GNAI1: variants seen among roughly 807,000 people sequenced by gnomAD.
GNAI1 encodes the protein guanine nucleotide-binding protein G(i) subunit alpha-1.
In GNAI1, 11 loss-of-function variants were observed where a neutral mutation model predicts 38.9. The ratio of observed to expected loss-of-function variants is 0.28; its 90% CI spans 0.18 to 0.47. The LOEUF (loss-of-function observed/expected upper bound fraction) is 0.47, where lower values mean the gene tolerates loss of function less well. Ranked by LOEUF, GNAI1 falls within the 20% of genes least tolerant of loss-of-function variation. The pLI, the probability that GNAI1 is intolerant of heterozygous loss-of-function variation, is 0.99. For missense variants in GNAI1, 317 were observed against 436.9 expected (o/e 0.73, Z 2.45); for synonymous variants, 166 against 145.1 (o/e 1.14, Z -1.04).
At chr7:80,178,841 T>G (rs1169251705) in intron 1 of GNAI1, among the ~76,000 whole-genome samples, 1 of 152,152 alleles carries the variant, frequency 6.6e-6, no homozygotes, top group African/African-American at 2.4e-5. Context: ...AGAAATCGTT[T>G]CAGATTCTAC....
chr7:80,158,889 T>G (rs1273823389), intron 1 of GNAI1, among the ~76,000 whole-genome samples: 2 of 152,322 alleles, frequency 1.3e-5, no homozygotes, highest in African/African-American at 4.8e-5. Flanking sequence ...GGCTCCTGGA[T>G]TCTACAGGAA....
chr7:80,177,782 T>C (rs539322473), intron 1 of GNAI1, among the ~76,000 whole-genome samples: 7 of 152,326 alleles, frequency 4.6e-5, no homozygotes, highest in Admixed American at 1.3e-4. Context: ...CCTAATGTTG[T>C]TTTTACGCCT....
At chr7:80,158,590 A>T (rs1175067022) in intron 1 of GNAI1, among the ~76,000 whole-genome samples, 1 of 152,092 alleles carries the variant, frequency 6.6e-6, no homozygotes, top group Non-Finnish European at 1.5e-5. Flanking sequence ...TATGTGAAGG[A>T]TGTGTTTGCC....
At chr7:80,161,991 G>C (rs1787931799) in intron 1 of GNAI1, among the ~76,000 whole-genome samples, 1 of 152,114 alleles carries the variant, frequency 6.6e-6, no homozygotes, top group Non-Finnish European at 1.5e-5. Flanking sequence ...GCTGTGGACT[G>C]AATGTGTCCC....
chr7:80,163,880 G>T (rs781186700), intron 1 of GNAI1, among the ~76,000 whole-genome samples: 5 of 151,594 alleles, frequency 3.3e-5, no homozygotes, highest in Non-Finnish European at 5.9e-5. Flanking sequence ...TATGGTCCAT[G>T]CCTTTTTTCT....
intron 1 of GNAI1, among the ~76,000 whole-genome samples, chr7:80,137,411 C>T (rs1787443123): frequency 6.9e-6 from 1 of 144,546 alleles, no homozygotes; most frequent in African/African-American, 2.6e-5. Context: ...ACCTTCACCT[C>T]CTGGGTTCAA....
chr7:80,192,445 G>A (rs148089359), intron 3 of GNAI1, among the ~76,000 whole-genome samples: 302 of 152,200 alleles, frequency 2.0e-3, no homozygotes, highest in Admixed American at 4.5e-3. Flanking sequence ...GCTGCCCTTA[G>A]CATTAAATTG....
intron 1 of GNAI1, among the ~76,000 whole-genome samples, chr7:80,161,480 T>A (rs1421414597): frequency 6.6e-6 from 1 of 152,198 alleles, no homozygotes; most frequent in Non-Finnish European, 1.5e-5. Context: ...GTTTTAAAAA[T>A]GTCAACTATT....
At chr7:80,195,684 A>C (rs1261140975) in intron 3 of GNAI1, among the ~76,000 whole-genome samples, 1 of 151,970 alleles carries the variant, frequency 6.6e-6, no homozygotes, top group African/African-American at 2.4e-5. Flanking sequence ...TTACCATATT[A>C]TTTAGCTTCT....
rs960058924 is a variant in GNAI1 at position 80,218,405 on chromosome 7, A to G, written c.*912A>G. Reference sequence around the variant, plus strand: ...TTAAATAACTACATTTTTGTTTATAACTAAGTTTGGAGGGATCCTAAGAGC... The same window carrying G: ...TTAAATAACTACATTTTTGTTTATAGCTAAGTTTGGAGGGATCCTAAGAGC... On this transcript the variant is annotated 3_prime_UTR_variant, in exon 8 of 8. Transcript: ENST00000649796. 3 of 152,046 alleles carry G rather than the reference A, an allele frequency of 2.0e-5. No individual in the cohort carries two copies. The highest frequency in any genetic ancestry group is 4.8e-5 in the African/African-American group (2 of 41,426). 9.4% of individuals were successfully genotyped at this position (152,046 alleles called of 1,614,324 possible). A position where few individuals can be genotyped will look rare whatever the true frequency, so the allele number is the denominator to read the frequency against.
At chr7:80,195,880 A>G (rs1034708922) in intron 3 of GNAI1, among the ~76,000 whole-genome samples, 19 of 151,790 alleles carry the variant, frequency 1.3e-4, no homozygotes, top group Non-Finnish European at 5.9e-5. Context: ...ATGAACTCTG[A>G]TATCTTTTGC....
At chr7:80,170,826 A>G (rs575512134) in intron 1 of GNAI1, among the ~76,000 whole-genome samples, 18 of 152,308 alleles carry the variant, frequency 1.2e-4, no homozygotes, top group Non-Finnish European at 2.1e-4. Flanking sequence ...GGCTGGGGAC[A>G]CAGACCCAAA....
At chr7:80,154,729 A>G (rs1787790235) in intron 1 of GNAI1, among the ~76,000 whole-genome samples, 1 of 152,188 alleles carries the variant, frequency 6.6e-6, no homozygotes, top group Non-Finnish European at 1.5e-5. Context: ...ATTTAAGAGA[A>G]AACTATAATG....
In GNAI1 at chr7:80,220,029, G is replaced by A. The variant is rs777271949; in HGVS notation, c.*2536G>A. On this transcript the variant is annotated 3_prime_UTR_variant, in exon 8 of 8. Transcript: ENST00000649796. ...CCCCACCTCCCATTTCTCTCTTCTCGAAAAACCCAGGTTAGTTATCCTAAT... is the reference window on the plus strand; with the variant it reads ...CCCCACCTCCCATTTCTCTCTTCTCAAAAAACCCAGGTTAGTTATCCTAAT... Among the ~76,000 whole-genome samples, 4 of 151,900 alleles carry A rather than the reference G, an allele frequency of 2.6e-5. No homozygotes were observed. The highest frequency in any genetic ancestry group is 6.6e-5 in the Admixed American group (1 of 15,250).
chr7:80,217,465 A>G lies in GNAI1; in HGVS notation c.1037A>G (p.Asn346Ser). 1 of 1,601,304 alleles carries G rather than the reference A, an allele frequency of 6.2e-7. No individual in the cohort carries two copies. The highest frequency in any genetic ancestry group is 8.5e-7 in the Non-Finnish European group (1 of 1,175,562). ...GCTGTAACAGATGTCATCATAAAAA[A>G]TAATCTAAAAGATTGTGGTCTCTTT... ...FDAVTDVIIK[N>S]NLKDCGLF The change falls in exon 8 of 8, where the codon AAT becomes AGT. Residue 346 changes from asparagine (N) to serine (S), a missense_variant. Physicochemically the swap from Asn to Ser is conservative, Grantham distance 46 (BLOSUM62 1). Around this residue, in one of 5 missense-constraint regions of GNAI1, gnomAD observed 15 missense variants for 36.6 expected, o/e 0.41. Coordinates refer to ENST00000649796, the MANE Select transcript of GNAI1 (RefSeq NM_002069.6).
chr7:80,160,690 ATTAC>A (rs1020145462), intron 1 of GNAI1, among the ~76,000 whole-genome samples: 3 of 152,216 alleles, frequency 2.0e-5, no homozygotes, highest in African/African-American at 7.2e-5. Context: ...TTAGAAGAAT[ATTAC>A]TTTGAATTGT....
intron 5 of GNAI1, among the ~76,000 whole-genome samples, chr7:80,209,486 G>A (rs1788837214): frequency 6.6e-6 from 1 of 152,140 alleles, no homozygotes; most frequent in South Asian, 2.1e-4. Flanking sequence ...AAAGTTAACT[G>A]ATTACAGATG....
At chr7:80,152,306 C>T (rs1284479574) in intron 1 of GNAI1, among the ~76,000 whole-genome samples, 1 of 152,012 alleles carries the variant, frequency 6.6e-6, no homozygotes, top group East Asian at 1.9e-4. Flanking sequence ...GGAGAAAGGG[C>T]CTGGTCAAAA....
chr7:80,205,659 G>A (rs1007550388), intron 5 of GNAI1, among the ~76,000 whole-genome samples: 5 of 151,924 alleles, frequency 3.3e-5, no homozygotes, highest in Admixed American at 6.6e-5. Context: ...TTACAAGACC[G>A]TGTATATATC....
Sources: allele counts gnomAD v4.1 joint callset (sites outside exome capture counted in the v4.1 genomes callset), GRCh38; gene constraint gnomAD v4.1.1; regional missense constraint gnomAD v4.1.1; transcripts MANE v1.5; gene names NCBI Gene and HGNC (gene_info 2026-07-23, HGNC 2026-07-21).